The following ORC1 variants were observed in gnomAD, a reference collection of about 807,000 sequenced individuals.
The protein encoded by ORC1 is origin recognition complex, subunit 1 homolog.
ORC1 carries 61 observed loss-of-function variants against 98.9 expected under a neutral mutation model. The observed-to-expected ratio is 0.62, with a 90% CI of 0.50 to 0.76. The LOEUF is 0.76. Ranked by LOEUF, ORC1 falls within the 30% of genes least tolerant of loss-of-function variation. The pLI is 0.00. For missense variants in ORC1, 979 were observed against 1,072.2 expected (o/e 0.91, Z 1.21); for synonymous variants, 385 against 406.9 (o/e 0.95, Z 0.65).
intron 13 of ORC1, among the ~76,000 whole-genome samples, chr1:52,382,243 T>C (rs1033407405): frequency 2.0e-5 from 3 of 152,110 alleles, no homozygotes; most frequent in African/African-American, 7.2e-5. Context: ...CCTCCCAAAG[T>C]GCTGGGATTA....
intron 16 of ORC1, among the ~76,000 whole-genome samples, chr1:52,373,745 G>A (rs1251509258): frequency 6.6e-6 from 1 of 152,106 alleles, no homozygotes; most frequent in Non-Finnish European, 1.5e-5. Flanking sequence ...TGTCTCCAGG[G>A]GCTGAGAGTT....
chr1:52,373,071 G>C lies in ORC1; in HGVS notation c.*110C>G. On this transcript the variant is annotated 3_prime_UTR_variant, in exon 17 of 17. Transcript: ENST00000371568. The stretch of plus-strand genomic sequence containing the variant: ...CACCTAAGCCTGAGAAGTCAAGGCT[G>C]CAGTGAGCCATGATCGTGCCACTGC... 1 of 1,137,554 alleles carries C rather than the reference G, an allele frequency of 8.8e-7. No homozygotes were observed. The highest frequency in any genetic ancestry group is 1.3e-6 in the Non-Finnish European group (1 of 750,582). The allele number at this position is 1,137,554 out of a possible 1,614,324, so 70.5% of individuals were successfully genotyped here. A position where few individuals can be genotyped will look rare whatever the true frequency, so the allele number is the denominator to read the frequency against.
chr1:52,387,684 C>G (rs937973338), intron 8 of ORC1, among the ~76,000 whole-genome samples: 17 of 152,098 alleles, frequency 1.1e-4, no homozygotes, highest in African/African-American at 4.1e-4. Context: ...GTCTTGAATT[C>G]CTGACCTCAA....
chr1:52,394,658 T>G (rs1647315110), intron 5 of ORC1, among the ~76,000 whole-genome samples: 1 of 152,162 alleles, frequency 6.6e-6, no homozygotes, highest in East Asian at 1.9e-4. Flanking sequence ...TCTTTCTTTC[T>G]TTTTTTCTGA....
rs1258507465 is a variant in ORC1, at chr1:52,374,873, GCT to G, written c.2326_2327del (p.Ser776LeufsTer24). ...AIKNSSVLEQ[S>X]FLRAILAEFR... ...ACTCTGCGAGGATGGCTCTCAGGAA[GCT>G]CTGTTCCAGAACAGAGGAATTTCTT... On this transcript the variant is annotated frameshift_variant, in exon 16 of 17. Transcript: ENST00000371568. LOFTEE classifies it high-confidence loss of function. The G allele has an allele frequency of 1.2e-6, 2 of 1,613,656 alleles. No individual in the cohort carries two copies. Among genetic ancestry groups the G allele is most frequent in the East Asian group, 2.2e-5 (1 of 44,902 alleles).
In ORC1 at chr1:52,385,925, C is replaced by T. The variant is rs1300591012; in HGVS notation, c.1408G>A (p.Ala470Thr). 6.2e-7 allele frequency: 1 copy of T among 1,613,622 alleles called. No individual in the cohort carries two copies. Among genetic ancestry groups the T allele is most frequent in the South Asian group, 1.1e-5 (1 of 91,048 alleles). Residue 470 changes from alanine (A) to threonine (T), a missense_variant, in exon 9 of 17, where the codon GCC becomes ACC. Transcript: ENST00000371568. Reference sequence around the variant, plus strand: ...CTTCGACTACGGATCTGAGGAGCGGCACAACGTGGCGTTCTAGGCTTGAGC... The same window carrying T: ...CTTCGACTACGGATCTGAGGAGCGGTACAACGTGGCGTTCTAGGCTTGAGC... ...KSLKPRTPRC[A>T]APQIRSRSLA...
Position 52,402,233 on chromosome 1 carries a change from G to A in ORC1, c.-5-5C>T. ...TGGGGTAGTGTGCCATGGCTTCTGT[G>A]GAAGAGTCCAAACTCTGAGTTACCA... On this transcript the variant is annotated splice_region_variant and splice_polypyrimidine_tract_variant and intron_variant, in intron 1 of 16. Coordinates refer to ENST00000371568, the MANE Select transcript of ORC1 (RefSeq NM_004153.4). 2.5e-6 allele frequency: 4 copies of A among 1,607,830 alleles called. No individual in the cohort carries two copies. Among genetic ancestry groups the A allele is most frequent in the South Asian group, 1.1e-5 (1 of 90,926 alleles).
At chr1:52,395,562 C>T (rs1219771653) in intron 5 of ORC1, among the ~76,000 whole-genome samples, 1 of 152,212 alleles carries the variant, frequency 6.6e-6, no homozygotes, top group Admixed American at 6.5e-5. Context: ...CCTGTAATCC[C>T]AGCACTTTGG....
intron 16 of ORC1, among the ~76,000 whole-genome samples, chr1:52,373,928 T>C (rs1646964739): frequency 6.6e-6 from 1 of 152,228 alleles, no homozygotes; most frequent in South Asian, 2.1e-4. Flanking sequence ...CATAGATTCC[T>C]ACCCTAACGT....
At chr1:52,388,673 T>G in intron 7 of ORC1, 36 bp from the exon 8 acceptor site, 1 of 1,559,382 alleles carries the variant, frequency 6.4e-7, no homozygotes, top group Non-Finnish European at 8.8e-7. Context: ...ATACTCAGTG[T>G]TCAAGTCTAA....
At chr1:52,388,374 T>TCAG (rs1341226929) in intron 8 of ORC1, 68 bp downstream of exon 8, 89 of 1,264,600 alleles carry the variant, frequency 7.0e-5, no homozygotes, top group Non-Finnish European at 5.8e-6. Flanking sequence ...ATCTGTGACT[T>TCAG]CAGCATTTGT....
intron 6 of ORC1, among the ~76,000 whole-genome samples, chr1:52,392,133 A>ACTT (rs542153876): frequency 8.5e-4 from 129 of 150,914 alleles, no homozygotes; most frequent in African/African-American, 2.9e-3. Flanking sequence ...AAAAGGGAAC[A>ACTT]CTTCTTTTTT....
At chr1:52,399,405 A>G (rs1335758103) in intron 3 of ORC1, among the ~76,000 whole-genome samples, 2 of 151,764 alleles carry the variant, frequency 1.3e-5, no homozygotes, top group Non-Finnish European at 2.9e-5. Context: ...CGGGCGGATC[A>G]TGAGGTCAGG....
chr1:52,399,640 A>AAG (rs1647604252), intron 3 of ORC1, among the ~76,000 whole-genome samples: 1 of 148,136 alleles, frequency 6.8e-6, no homozygotes, highest in Non-Finnish European at 1.5e-5. Flanking sequence ...AAAAAAAAAA[A>AAG]AAAGAAAGAA....
intron 6 of ORC1, among the ~76,000 whole-genome samples, chr1:52,391,734 A>T (rs1305759368): frequency 6.6e-6 from 1 of 152,044 alleles, no homozygotes; most frequent in Non-Finnish European, 1.5e-5. Context: ...TCCCACCTCT[A>T]CTAAAATACA....
At chr1:52,389,842 T>C (rs1298961228) in intron 6 of ORC1, among the ~76,000 whole-genome samples, 1 of 152,212 alleles carries the variant, frequency 6.6e-6, no homozygotes, top group Non-Finnish European at 1.5e-5. Context: ...CAGTTTGTAT[T>C]TGAGAATAGT....
chr1:52,405,546 G>C, upstream of ORC1: 1 of 760,192 alleles, frequency 1.3e-6, no homozygotes, highest in South Asian at 1.8e-5. Flanking sequence ...TGTCGTTACT[G>C]TTATTAATAC....
At chr1:52,400,102 A>G (rs1385194040) in intron 3 of ORC1, among the ~76,000 whole-genome samples, 4 of 152,174 alleles carry the variant, frequency 2.6e-5, no homozygotes, top group Non-Finnish European at 4.4e-5. Context: ...TCTACTGGAC[A>G]TTAGTTTGAT....
intron 2 of ORC1, 146 bp from the exon 3 acceptor site, chr1:52,401,635 A>G (rs1020941202): frequency 9.7e-6 from 9 of 928,730 alleles, no homozygotes; most frequent in Non-Finnish European, 1.5e-5. Flanking sequence ...TCGCCCAGTT[A>G]TATTTAAGAA....
Sources: gnomAD v4.1 joint callset for allele counts (sites outside exome capture counted in the v4.1 genomes callset) on GRCh38, gnomAD v4.1.1 for gene constraint, MANE v1.5 for transcripts, NCBI Gene and HGNC (gene_info 2026-07-23, HGNC 2026-07-21) for gene names.